MUC4: variants seen among roughly 807,000 people sequenced by gnomAD.
MUC4 encodes the protein mucin 4, cell surface associated, also known as mucin-4.
MUC4 carries 202 observed loss-of-function variants against 257.9 expected under a neutral mutation model. The observed-to-expected ratio is 0.78, with a 90% CI of 0.70 to 0.88. The LOEUF is 0.88. MUC4 is among the 40% of genes least tolerant of loss of function. The probability of loss-of-function intolerance (pLI) is 0.00; values close to 1 mark genes in which losing one functional copy is unlikely to be tolerated. For synonymous variants in MUC4, 2,351 were observed against 2,757.1 expected (o/e 0.85, Z 4.62); for missense variants, 5,976 against 6,513.7 (o/e 0.92, Z 2.84).
chr3:195,747,505 C>CT, intron 24 of MUC4, 125 bp from the exon 25 acceptor site: 1 of 1,155,774 alleles, frequency 8.7e-7, no homozygotes, highest in Non-Finnish European at 1.2e-6. Context: ...TCCGGAGAGA[C>CT]TGAGTCAGCC....
In MUC4 at chr3:195,778,800, C is replaced by A. The variant is rs768152394; in HGVS notation, c.12780G>T (p.Met4260Ile). 6.2e-7 allele frequency: 1 copy of A among 1,610,124 alleles called. No individual in the cohort carries two copies. Among genetic ancestry groups the A allele is most frequent in the Non-Finnish European group, 8.5e-7 (1 of 1,178,174 alleles). The part of the protein sequence containing the change: ...STVSSDSPLK[M>I]ETPGMTTPSL... Reference sequence around the variant, plus strand: ...GCAGTTGGCAGCTACCTGGTGTTTCCATCTTCAGAGGGGAGTCCGAGGATA... The same window carrying A: ...GCAGTTGGCAGCTACCTGGTGTTTCAATCTTCAGAGGGGAGTCCGAGGATA... The change falls in exon 2 of 25, where the codon ATG (methionine) becomes ATT (isoleucine). Residue 4260 changes from methionine to isoleucine, a missense_variant. Met to Ile is a conservative substitution (Grantham distance 10). Transcript: ENST00000463781.
intron 18 of MUC4, among the ~76,000 whole-genome samples, chr3:195,754,800 A>G (rs1577951514): frequency 6.6e-6 from 1 of 152,150 alleles, no homozygotes. Flanking sequence ...CCATGCATGT[A>G]TGCATGTATG....
Position 195,761,565 on chromosome 3 carries a change from C to G in MUC4, c.14533G>C (p.Glu4845Gln). 2 of 1,614,134 alleles carry G rather than the reference C, an allele frequency of 1.2e-6. No individual in the cohort carries two copies. Among genetic ancestry groups the G allele is most frequent in the Non-Finnish European group, 1.7e-6 (2 of 1,179,980 alleles). The change falls in exon 15 of 25, where the codon GAG (glutamate) becomes CAG (glutamine). Residue 4845 changes from glutamate (E) to glutamine (Q), a missense_variant. Coordinates refer to ENST00000463781, the MANE Select transcript of MUC4 (RefSeq NM_018406.7). The part of the protein sequence containing the change: ...GLLGVWNNNP[E>Q]DDFRMPNGST... Reference sequence around the variant, plus strand: ...CCATTGGGCATCCTGAAGTCGTCCTCTGGATTGTTATTCCAGACCCCTGAG... The same window carrying G: ...CCATTGGGCATCCTGAAGTCGTCCTGTGGATTGTTATTCCAGACCCCTGAG...
chr3:195,783,886 T>C lies in MUC4; in HGVS notation c.7694A>G (p.Asp2565Gly), dbSNP rs548141268. 343 of 1,489,214 alleles carry C rather than the reference T, an allele frequency of 2.3e-4. 10 individuals carry two copies. The African/African-American group carries it at 2.3e-3, about 10-fold the overall frequency. The allele number at this position is 1,489,214 out of a possible 1,614,324, so 92.3% of individuals were successfully genotyped here. A position where few individuals can be genotyped will look rare whatever the true frequency, so the allele number is the denominator to read the frequency against. Residue 2565 changes from aspartate (D) to glycine (G), a missense_variant, in exon 2 of 25, where the codon GAC becomes GGC. Physicochemically the swap from Asp to Gly is moderately conservative, Grantham distance 94. Around this residue, in one of 44 missense-constraint regions of MUC4, gnomAD observed 135 missense variants for 114.7 expected, o/e 1.18. Transcript: ENST00000463781. Reference protein sequence around the residue: ...TGHATSLPVTDTSAASTGHAT... With the variant: ...TGHATSLPVTGTSAASTGHAT... ...GTGACCTGTGGATGCTGCGGAAGTG[T>C]CGGTGACAGGAAGAGAGGTGGCGTG... is the stretch of plus-strand genomic sequence containing the variant.
rs879701803 is a variant in MUC4 at position 195,779,623 on chromosome 3, G to A, written c.11957C>T (p.Pro3986Leu). The A allele has an allele frequency of 1.5e-4, 141 of 944,134 alleles. 2 individuals carry two copies. The highest frequency in any genetic ancestry group is 8.1e-4 in the East Asian group (17 of 21,076). The allele number at this position is 944,134 out of a possible 1,614,324, so 58.5% of individuals were successfully genotyped here. The change falls in exon 2 of 25, where the codon CCT (proline) becomes CTT (leucine). Residue 3986 changes from proline (P) to leucine (L), a missense_variant. By Grantham distance (98) the Pro-to-Leu change is moderately conservative. Transcript: ENST00000463781. ...GGATACTGAGGAAGTGTCGGTGACA[G>A]GAAGGGGGGTGGCGTGACCTGTGGA... ...SASTGHATPL[P>L]VTDTSSVSTG...
At chr3:195,802,014 A>G (rs1735392222) in intron 1 of MUC4, among the ~76,000 whole-genome samples, 1 of 151,532 alleles carries the variant, frequency 6.6e-6, no homozygotes. Flanking sequence ...CTCTCTGGCC[A>G]CCCTGCGTCT....
chr3:195,778,537 C>T, intron 2 of MUC4, 82 bp from the exon 3 acceptor site: 2 of 1,559,650 alleles, frequency 1.3e-6, no homozygotes, highest in Non-Finnish European at 1.7e-6. Flanking sequence ...AAATCAGGAG[C>T]TGGAAGAGGG....
rs1720129671 is a variant in MUC4 at position 195,765,054 on chromosome 3, A to G, written c.13867T>C (p.Tyr4623His). The G allele has an allele frequency of 6.2e-7, 1 of 1,613,848 alleles. No individual in the cohort carries two copies. The highest frequency in any genetic ancestry group is 8.5e-7 in the Non-Finnish European group (1 of 1,179,990). ...TCACGAAACTCTCCCCAGGGCCCGTAGCTGCAGCACACGCCTCCTCGCCAA... is the reference window on the plus strand; with the variant it reads ...TCACGAAACTCTCCCCAGGGCCCGTGGCTGCAGCACACGCCTCCTCGCCAA... The part of the protein sequence containing the change: ...TSWRGGVCCS[Y>H]GPWGEFREGW... Residue 4623 changes from tyrosine to histidine, a missense_variant, in exon 10 of 25, where the codon TAC (tyrosine) becomes CAC (histidine). Physicochemically the swap from Tyr to His is moderately conservative, Grantham distance 83 (BLOSUM62 2). Transcript: ENST00000463781.
intron 6 of MUC4, among the ~76,000 whole-genome samples, 191 bp downstream of exon 6, chr3:195,770,025 G>A (rs375467843): frequency 8.1e-4 from 123 of 151,354 alleles, no homozygotes; most frequent in African/African-American, 2.9e-3. Flanking sequence ...GCAAAGGGCC[G>A]AGACAGGCCG....
chr3:195,767,941 C>CACT (rs1553861416), intron 7 of MUC4, among the ~76,000 whole-genome samples: 8 of 74,618 alleles, frequency 1.1e-4, no homozygotes, highest in East Asian at 4.4e-4. Context: ...CCGCCACTAC[C>CACT]ACCACCACCA....
intron 15 of MUC4, 65 bp downstream of exon 15, chr3:195,761,419 G>A (rs773378218): frequency 2.9e-6 from 4 of 1,361,078 alleles, no homozygotes; most frequent in Non-Finnish European, 4.2e-6. Flanking sequence ...GGGCCGAGGG[G>A]GACGACATAA....
intron 8 of MUC4, among the ~76,000 whole-genome samples, chr3:195,766,176 G>C (rs976345353): frequency 6.6e-6 from 1 of 152,100 alleles, no homozygotes; most frequent in Non-Finnish European, 1.5e-5. Flanking sequence ...GGCCAGGCTG[G>C]TCTCGAACTC....
chr3:195,751,590 G>A, intron 21 of MUC4: 1 of 483,878 alleles, frequency 2.1e-6, no homozygotes, highest in Middle Eastern at 5.5e-4. Flanking sequence ...CTCCTCCCCA[G>A]TATATTGAAC....
At position 195,785,858 on chromosome 3, in the gene MUC4, T is replaced by C; in HGVS notation, c.5722A>G (p.Thr1908Ala). 1 of 1,497,496 alleles carries C rather than the reference T, an allele frequency of 6.7e-7. No individual in the cohort carries two copies. Among genetic ancestry groups the C allele is most frequent in the Non-Finnish European group, 9.0e-7 (1 of 1,113,208 alleles). The allele number at this position is 1,497,496 out of a possible 1,614,324, so 92.8% of individuals were successfully genotyped here. A position where few individuals can be genotyped will look rare whatever the true frequency, so the allele number is the denominator to read the frequency against. Residue 1908 changes from threonine to alanine, a missense_variant, in exon 2 of 25, where the codon ACC becomes GCC. Transcript: ENST00000463781. ...CCTGTGGATACTGAGGAAGCGTCGG[T>C]GACATGAAGAGGGGTGGTGTCACCT... ...STGDTTPLHV[T>A]DASSVSTGHA...
At chr3:195,797,337 C>G (rs1734697981) in intron 1 of MUC4, among the ~76,000 whole-genome samples, 1 of 151,832 alleles carries the variant, frequency 6.6e-6, no homozygotes, top group African/African-American at 2.4e-5. Context: ...ATCAGAAATG[C>G]AAGATAAAGA....
chr3:195,780,211 G>T lies in MUC4; in HGVS notation c.11369C>A (p.Thr3790Asn). ...TDASSASTGD[T>N]TPLPVTDTSS... is the part of the protein sequence containing the mutation. ...AGTGTCGGTGACAGGAAGAGGGGTG[G>T]TGTCACCTGTGGATGCTGAGGAAGC... Residue 3790 changes from threonine to asparagine, a missense_variant, in exon 2 of 25, where the codon ACC becomes AAC. By Grantham distance (65) the Thr-to-Asn change is moderately conservative. This residue lies in a region of MUC4 where 330 missense variants were observed against 262.0 expected (regional missense o/e 1.26). Coordinates refer to ENST00000463781, the MANE Select transcript of MUC4 (RefSeq NM_018406.7). 2 of 1,455,656 alleles carry T rather than the reference G, an allele frequency of 1.4e-6. No individual in the cohort carries two copies. The highest frequency in any genetic ancestry group is 1.4e-5 in the African/African-American group (1 of 70,402). The allele number at this position is 1,455,656 out of a possible 1,614,324, so 90.2% of individuals were successfully genotyped here. A position where few individuals can be genotyped will look rare whatever the true frequency, so the allele number is the denominator to read the frequency against.
chr3:195,809,847 T>C (rs1301491629), intron 1 of MUC4: 2 of 152,356 alleles, frequency 1.3e-5, no homozygotes, highest in East Asian at 1.9e-4. Context: ...CCACTGCTTT[T>C]TACACAGGGG....
chr3:195,761,725 C>CG (rs1718957929), intron 14 of MUC4, 140 bp from the exon 15 acceptor site: 1 of 671,412 alleles, frequency 1.5e-6, no homozygotes, highest in Non-Finnish European at 2.5e-6. Flanking sequence ...CCAGGGGAGC[C>CG]GGGAGGACGG....
chr3:195,780,277 G>C lies in MUC4; in HGVS notation c.11303C>G (p.Ser3768Ter). 6.5e-7 allele frequency: 1 copy of C among 1,530,440 alleles called. No individual in the cohort carries two copies. Among genetic ancestry groups the C allele is most frequent in the Non-Finnish European group, 8.8e-7 (1 of 1,131,704 alleles). The allele number at this position is 1,530,440 out of a possible 1,614,324, so 94.8% of individuals were successfully genotyped here. ...ATPLLVTDAS[S>*]VSTGHATPLP... is the part of the protein sequence containing the mutation. ...AGGCGTGGCGTGACCTGTGGACACT[G>C]AGGAAGCGTCGGTGACAAGAAGAGG... The change falls in exon 2 of 25, where the codon TCA becomes TGA. Residue 3768 changes from serine (S) to a stop codon, truncating the protein, a stop_gained. Transcript: ENST00000463781. LOFTEE classifies it high-confidence loss of function.
Sources: gnomAD v4.1 joint callset for allele counts (sites outside exome capture counted in the v4.1 genomes callset) on GRCh38, gnomAD v4.1.1 for gene constraint, gnomAD v4.1.1 regional missense constraint, MANE v1.5 for transcripts, NCBI Gene and HGNC (gene_info 2026-07-23, HGNC 2026-07-21) for gene names.